CLTCL1: variants seen among roughly 807,000 people sequenced by gnomAD.
The protein encoded by CLTCL1 is clathrin heavy chain like 1.
A neutral mutation model predicts 190.0 loss-of-function variants in CLTCL1; 159 were observed. That is an observed-to-expected ratio of 0.84 (90% CI 0.74 to 0.95). The LOEUF (loss-of-function observed/expected upper bound fraction) is 0.95, where lower values mean the gene tolerates loss of function less well. CLTCL1 is among the 40% of genes least tolerant of loss of function. The pLI is 0.00. For synonymous variants in CLTCL1, 752 were observed against 769.6 expected, an observed-to-expected ratio of 0.98 and a Z score of 0.38; for missense variants, 1,878 against 2,033.4, an observed-to-expected ratio of 0.92 and a Z score of 1.47.
At chr22:19,223,032 T>C (rs2085625566) in intron 14 of CLTCL1, among the ~76,000 whole-genome samples, 1 of 152,218 alleles carries the variant, frequency 6.6e-6, no homozygotes, top group African/African-American at 2.4e-5. Flanking sequence ...CTGCTACATT[T>C]GGCATTAACA....
chr22:19,231,077 C>A (rs1448263894), intron 10 of CLTCL1, among the ~76,000 whole-genome samples: 1 of 152,186 alleles, frequency 6.6e-6, no homozygotes, highest in African/African-American at 2.4e-5. Context: ...TGGCCTCAGA[C>A]TGAGAGTTAC....
chr22:19,263,772 A>G (rs2087031209), intron 2 of CLTCL1, among the ~76,000 whole-genome samples: 1 of 152,188 alleles, frequency 6.6e-6, no homozygotes, highest in Admixed American at 6.5e-5. Flanking sequence ...GCTATTTCAC[A>G]CTTAATAGAT....
intron 1 of CLTCL1, among the ~76,000 whole-genome samples, chr22:19,280,538 G>C (rs191903038): frequency 6.6e-6 from 1 of 152,166 alleles, no homozygotes; most frequent in East Asian, 1.9e-4. Context: ...AAAAACCAAG[G>C]TCTGGTGAGA....
chr22:19,230,035 C>G, intron 10 of CLTCL1, 60 bp from the exon 11 acceptor site: 12 of 1,434,456 alleles, frequency 8.4e-6, no homozygotes, highest in Non-Finnish European at 1.1e-5. Flanking sequence ...TTTCATTTTC[C>G]TATTGAAATA....
intron 10 of CLTCL1, among the ~76,000 whole-genome samples, chr22:19,231,236 A>G (rs1198980280): frequency 6.6e-6 from 1 of 152,196 alleles, no homozygotes; most frequent in African/African-American, 2.4e-5. Flanking sequence ...ACTCCCTCTC[A>G]TATATCTGAG....
chr22:19,247,440 G>T (rs906183422), intron 3 of CLTCL1, among the ~76,000 whole-genome samples: 10 of 152,174 alleles, frequency 6.6e-5, no homozygotes. Flanking sequence ...TGTCAGTAAA[G>T]CATATACATG....
Position 19,219,868 on chromosome 22 carries a change from C to T in CLTCL1, c.2919+17G>A. 6.2e-7 allele frequency: 1 copy of T among 1,613,990 alleles called. No homozygotes were observed. Among genetic ancestry groups the T allele is most frequent in the Non-Finnish European group, 8.5e-7 (1 of 1,179,852 alleles). ...GCAAAATGCAGGTGTGCAGACATACCCATCTCTGTGCCTCACCTGGTCAAT... is the reference window on the plus strand; with the variant it reads ...GCAAAATGCAGGTGTGCAGACATACTCATCTCTGTGCCTCACCTGGTCAAT... On this transcript the variant is annotated intron_variant, in intron 18 of 32. Transcript: ENST00000427926.
intron 23 of CLTCL1, among the ~76,000 whole-genome samples, chr22:19,201,029 A>G (rs975297424): frequency 1.3e-4 from 20 of 152,238 alleles, no homozygotes; most frequent in Non-Finnish European, 2.9e-4. Flanking sequence ...CCAATAATGT[A>G]AATTTACACT....
chr22:19,208,022 C>G, intron 22 of CLTCL1, 132 bp downstream of exon 22: 1 of 1,036,564 alleles, frequency 9.6e-7, no homozygotes, highest in Non-Finnish European at 1.5e-6. Flanking sequence ...CCACCCCCGA[C>G]CTGTCTGTGG....
chr22:19,261,018 A>G (rs571604833), intron 2 of CLTCL1, among the ~76,000 whole-genome samples: 9 of 152,082 alleles, frequency 5.9e-5, no homozygotes, highest in Non-Finnish European at 1.3e-4. Context: ...ATATACAAGG[A>G]GATGAAAGCT....
intron 29 of CLTCL1, among the ~76,000 whole-genome samples, chr22:19,186,955 T>TG (rs2084336298): frequency 1.3e-5 from 2 of 151,302 alleles, no homozygotes; most frequent in African/African-American, 2.4e-5. Context: ...TTTTTTTTTT[T>TG]GGAGACAGGG....
At chr22:19,210,573 C>A (rs2085188014) in intron 19 of CLTCL1, 64 bp from the exon 20 acceptor site, 5 of 1,476,638 alleles carry the variant, frequency 3.4e-6, no homozygotes, top group Non-Finnish European at 4.6e-6. Context: ...CATTTTTTGG[C>A]AGGTCAGGCA....
At chr22:19,208,890 T>A (rs1555944612) in intron 21 of CLTCL1, 32 bp downstream of exon 21, 4 of 1,539,280 alleles carry the variant, frequency 2.6e-6, no homozygotes, top group South Asian at 2.4e-5. Flanking sequence ...ATCAGTGAGA[T>A]GCAGAGCCCT....
intron 26 of CLTCL1, among the ~76,000 whole-genome samples, chr22:19,193,488 T>C (rs997502376): frequency 1.3e-5 from 2 of 152,178 alleles, no homozygotes; most frequent in Non-Finnish European, 2.9e-5. Flanking sequence ...CGCCAGGACA[T>C]GGAGCACTGG....
chr22:19,229,434 T>C (rs1329829878), intron 11 of CLTCL1, among the ~76,000 whole-genome samples: 3 of 152,096 alleles, frequency 2.0e-5, no homozygotes, highest in Non-Finnish European at 4.4e-5. Context: ...GGCTGGGAAA[T>C]GAGGAGTCAC....
chr22:19,223,646 T>G (rs1429081827), intron 14 of CLTCL1, among the ~76,000 whole-genome samples: 1 of 152,226 alleles, frequency 6.6e-6, no homozygotes, highest in Non-Finnish European at 1.5e-5. Context: ...GGGATGTTGA[T>G]GAATTACAAT....
At chr22:19,204,897 A>G (rs1193601517) in intron 22 of CLTCL1, among the ~76,000 whole-genome samples, 1 of 152,148 alleles carries the variant, frequency 6.6e-6, no homozygotes, top group African/African-American at 2.4e-5. Flanking sequence ...GAACATAGGT[A>G]AAGAGCCAGG....
In CLTCL1 at chr22:19,291,693, G is replaced by T. The variant is rs1352966749; in HGVS notation, c.-52C>A. ...GGCGGCAGCGGCAGGAATGAACGCCGACCCCTCGCGCGGGCTGACCGGTGG... is the reference window on the plus strand; with the variant it reads ...GGCGGCAGCGGCAGGAATGAACGCCTACCCCTCGCGCGGGCTGACCGGTGG... On this transcript the variant is annotated 5_prime_UTR_variant, in exon 1 of 33. Transcript: ENST00000427926. The T allele has an allele frequency of 1.3e-5, 17 of 1,322,820 alleles. No homozygotes were observed. Among genetic ancestry groups the T allele is most frequent in the African/African-American group, 3.1e-5 (2 of 65,236 alleles). The allele number at this position is 1,322,820 out of a possible 1,614,324, so 81.9% of individuals were successfully genotyped here. A position where few individuals can be genotyped will look rare whatever the true frequency, so the allele number is the denominator to read the frequency against.
At chr22:19,274,174 C>T (rs1209583265) in intron 2 of CLTCL1, among the ~76,000 whole-genome samples, 1 of 151,856 alleles carries the variant, frequency 6.6e-6, no homozygotes, top group Non-Finnish European at 1.5e-5. Flanking sequence ...AAAAGTACTA[C>T]AACAAGGCTG....
Sources: allele counts gnomAD v4.1 joint callset (sites outside exome capture counted in the v4.1 genomes callset), GRCh38; gene constraint gnomAD v4.1.1; transcripts MANE v1.5; gene names NCBI Gene and HGNC (gene_info 2026-07-23, HGNC 2026-07-21).